ITPRID2: variants seen among roughly 807,000 people sequenced by gnomAD.
ITPRID2 encodes the protein protein ITPRID2.
A neutral mutation model predicts 124.3 loss-of-function variants in ITPRID2; 60 were observed. That is an observed-to-expected ratio of 0.48 (90% CI 0.39 to 0.60). The LOEUF (loss-of-function observed/expected upper bound fraction) is 0.60, where lower values mean the gene tolerates loss of function less well. ITPRID2 is among the 20% of genes least tolerant of loss of function. ITPRID2 has a pLI of 0.00. For synonymous variants in ITPRID2, 521 were observed against 542.9 expected (o/e 0.96, Z 0.56); for missense variants, 1,553 against 1,512.2 (o/e 1.03, Z -0.45).
chr2:181,898,722 C>A (rs1692414500), intron 4 of ITPRID2, 158 bp from the exon 5 acceptor site: 2 of 673,026 alleles, frequency 3.0e-6, no homozygotes, highest in Non-Finnish European at 5.2e-6. Flanking sequence ...ATCTGTATAT[C>A]ACTTTTAATA....
At position 181,902,245 on chromosome 2, in the gene ITPRID2, G is replaced by A; in HGVS notation, c.1192G>A (p.Glu398Lys). ...AGGAACTGAAAATGAACAAAGTAAA[G>A]AAACTCAAAGTCATGAGAGTAAACT... ...NQGTENEQSKETQSHESKLGE... is the reference protein window; with the variant it reads ...NQGTENEQSKKTQSHESKLGE... The change falls in exon 8 of 18, where the codon GAA (glutamate) becomes AAA (lysine). Residue 398 changes from glutamate to lysine, a missense_variant. Glu to Lys is a moderately conservative substitution (Grantham distance 56, BLOSUM62 1). Coordinates refer to ENST00000431877, the MANE Select transcript of ITPRID2 (RefSeq NM_001130445.3). The surrounding 1 kb of genome is among the most constrained non-coding windows in gnomAD (Gnocchi z 4.4). 15 of 1,612,912 alleles carry A rather than the reference G, an allele frequency of 9.3e-6. No homozygotes were observed. The highest frequency in any genetic ancestry group is 1.3e-5 in the Non-Finnish European group (15 of 1,179,358).
At position 181,918,630 on chromosome 2, in the gene ITPRID2, T is replaced by C; in HGVS notation, c.2820T>C (p.Ala940=). ...YPMMRGPDPA[A]APYSTQKSSV... ...TGATGAGAGGACCTGATCCTGCTGC[T>C]GCTCCATATAGTACTCAGAAATCAT... is the stretch of plus-strand genomic sequence containing the variant. The change falls in exon 12 of 18, where the codon GCT becomes GCC. Residue 940 remains alanine (A), a synonymous_variant. Transcript: ENST00000431877. 1 of 1,614,120 alleles carries C rather than the reference T, an allele frequency of 6.2e-7. No individual in the cohort carries two copies. Among genetic ancestry groups the C allele is most frequent in the Non-Finnish European group, 8.5e-7 (1 of 1,179,970 alleles).
chr2:181,899,795 C>G (rs1481610902), intron 6 of ITPRID2, among the ~76,000 whole-genome samples: 1 of 152,140 alleles, frequency 6.6e-6, no homozygotes, highest in African/African-American at 2.4e-5. Flanking sequence ...TTGTGCCACT[C>G]CATTTCAACT....
intron 9 of ITPRID2, among the ~76,000 whole-genome samples, chr2:181,913,097 T>G (rs1693739680): frequency 6.6e-6 from 1 of 152,078 alleles, no homozygotes; most frequent in African/African-American, 2.4e-5. Context: ...AGACGGAGTC[T>G]TGCTCTGTCG....
intron 10 of ITPRID2, 28 bp downstream of exon 10, chr2:181,913,961 A>G (rs2125094139): frequency 6.9e-7 from 1 of 1,450,274 alleles, no homozygotes; most frequent in South Asian, 1.2e-5. Context: ...AATAGGCACT[A>G]TGATTAACTT....
Position 181,892,245 on chromosome 2 carries a change from C to G in ITPRID2, c.179C>G (p.Pro60Arg). 1 of 1,549,322 alleles carries G rather than the reference C, an allele frequency of 6.5e-7. No homozygotes were observed. Among genetic ancestry groups the G allele is most frequent in the Non-Finnish European group, 8.7e-7 (1 of 1,146,280 alleles). ...GAGGAGGACGAGGAGGAGGACCTCC[C>G]CGGCGCGCAGCTGCCGGCAGCGGGG... ...DEEEDEEEDL[P>R]GAQLPAAGGR... Residue 60 changes from proline (P) to arginine (R), a missense_variant, in exon 1 of 18, where the codon CCC (proline) becomes CGC (arginine). By Grantham distance (103) the Pro-to-Arg change is moderately radical (BLOSUM62 -2). Coordinates refer to ENST00000431877, the MANE Select transcript of ITPRID2 (RefSeq NM_001130445.3). The surrounding 1 kb of genome is among the most constrained non-coding windows in gnomAD (Gnocchi z 5.2).
At chr2:181,925,114 G>A (rs770795384) in intron 16 of ITPRID2, among the ~76,000 whole-genome samples, 3 of 152,144 alleles carry the variant, frequency 2.0e-5, no homozygotes, top group Admixed American at 6.5e-5. Context: ...ATTAGAGCAC[G>A]TCTGACATGT....
At chr2:181,901,530 G>T (rs1453793787) in intron 7 of ITPRID2, among the ~76,000 whole-genome samples, 1 of 152,084 alleles carries the variant, frequency 6.6e-6, no homozygotes, top group Non-Finnish European at 1.5e-5. Context: ...ATTATGCTTT[G>T]TGCTTATTTC....
At chr2:181,926,587 C>CCTGTA (rs1694881150) in intron 16 of ITPRID2, among the ~76,000 whole-genome samples, 1 of 151,484 alleles carries the variant, frequency 6.6e-6, no homozygotes, top group Non-Finnish European at 1.5e-5. Context: ...GTGGCGGGTG[C>CCTGTA]CTGTAGTCCC....
rs374680182 is a variant in ITPRID2 at position 181,922,168 on chromosome 2, C to T, written c.3431C>T (p.Ala1144Val). ...SVGKSKTPLV[A>V]RKKVFRASVA... ...GGCAAATCCAAAACCCCATTAGTGG[C>T]AAGGAAGAAAGTGTTCCGAGCATCG... is the stretch of plus-strand genomic sequence containing the variant. Residue 1144 changes from alanine to valine, a missense_variant, in exon 16 of 18, where the codon GCA (alanine) becomes GTA (valine). Coordinates refer to ENST00000431877, the MANE Select transcript of ITPRID2 (RefSeq NM_001130445.3). The T allele has an allele frequency of 1.2e-5, 19 of 1,614,226 alleles. No individual in the cohort carries two copies. The highest frequency in any genetic ancestry group is 1.5e-5 in the Non-Finnish European group (18 of 1,180,052).
At chr2:181,927,349 A>G (rs1332218449) in intron 16 of ITPRID2, among the ~76,000 whole-genome samples, 2 of 152,210 alleles carry the variant, frequency 1.3e-5, no homozygotes, top group African/African-American at 2.4e-5. Flanking sequence ...TAGCTTTCAC[A>G]AAGGGCTATT....
chr2:181,920,248 CAT>C (rs1416558055), intron 14 of ITPRID2, among the ~76,000 whole-genome samples: 10 of 152,192 alleles, frequency 6.6e-5, no homozygotes, highest in East Asian at 1.9e-4. Context: ...TGTATAAACA[CAT>C]ATATGTATAG....
rs553280661 is a variant in ITPRID2 at position 181,907,156 on chromosome 2, A to G, written c.1414-2743A>G. Among the ~76,000 whole-genome samples the G allele has an allele frequency of 2.0e-5, 3 of 152,358 alleles. No homozygotes were observed. Among genetic ancestry groups the G allele is most frequent in the East Asian group, 1.9e-4 (1 of 5,194 alleles). On this transcript the variant is annotated intron_variant, in intron 8 of 17. Transcript: ENST00000431877. The surrounding 1 kb of genome is among the most constrained non-coding windows in gnomAD (Gnocchi z 5.1). The stretch of plus-strand genomic sequence containing the variant: ...ATGTATTGCTGTCCTGTGCAATACA[A>G]TACAGTAGTATTGTGCCTAGAAGAT...
chr2:181,922,901 A>C (rs564991353), intron 16 of ITPRID2, among the ~76,000 whole-genome samples: 44 of 152,210 alleles, frequency 2.9e-4, no homozygotes, highest in African/African-American at 9.2e-4. Context: ...CAGCCTGGGC[A>C]GCAGAGCAAG....
intron 11 of ITPRID2, 196 bp from the exon 12 acceptor site, chr2:181,918,402 A>G: frequency 7.3e-7 from 1 of 1,372,558 alleles, no homozygotes; most frequent in Non-Finnish European, 9.4e-7. Context: ...ATTGACTTAT[A>G]CCTGGAACAG....
At chr2:181,897,151 T>A (rs370940445) in intron 4 of ITPRID2, among the ~76,000 whole-genome samples, 187 bp downstream of exon 4, 1 of 152,024 alleles carries the variant, frequency 6.6e-6, no homozygotes, top group Non-Finnish European at 1.5e-5. Flanking sequence ...CATGTAGGGA[T>A]GACTCTGAAA....
chr2:181,916,949 C>T (rs1694109132), intron 11 of ITPRID2: 1 of 988,426 alleles, frequency 1.0e-6, no homozygotes, highest in South Asian at 4.6e-5. Context: ...CAGAGTTAGT[C>T]TACTTCCACT....
chr2:181,892,235 G>A lies in ITPRID2; in HGVS notation c.169G>A (p.Glu57Lys), dbSNP rs1351697855. ...GCAGGACGAGGAGGAGGACGAGGAG[G>A]AGGACCTCCCCGGCGCGCAGCTGCC... Reference protein sequence around the residue: ...TTQDEEEDEEEDLPGAQLPAA... With the variant: ...TTQDEEEDEEKDLPGAQLPAA... Residue 57 changes from glutamate to lysine, a missense_variant, in exon 1 of 18, where the codon GAG becomes AAG. Transcript: ENST00000431877. This position sits in a 1 kb window ranked among gnomAD's most constrained non-coding sequence, Gnocchi z 5.2. 16 of 1,550,738 alleles carry A rather than the reference G, an allele frequency of 1.0e-5. No individual in the cohort carries two copies. Among genetic ancestry groups the A allele is most frequent in the Non-Finnish European group, 1.4e-5 (16 of 1,146,984 alleles).
At chr2:181,897,840 A>T (rs905965139) in intron 4 of ITPRID2, among the ~76,000 whole-genome samples, 4 of 152,006 alleles carry the variant, frequency 2.6e-5, no homozygotes, top group Non-Finnish European at 1.5e-5. Flanking sequence ...AGAACCTTCT[A>T]ACATTTAAAA....
Sources: gnomAD v4.1 joint callset for allele counts (sites outside exome capture counted in the v4.1 genomes callset) on GRCh38, gnomAD v4.1.1 for gene constraint, Gnocchi (gnomAD v3.1) non-coding constraint, MANE v1.5 for transcripts, NCBI Gene and HGNC (gene_info 2026-07-23, HGNC 2026-07-21) for gene names.